The following CNTN5 variants were observed in gnomAD, a reference collection of about 807,000 sequenced individuals.
CNTN5 encodes contactin-5.
A neutral mutation model predicts 129.1 loss-of-function variants in CNTN5; 77 were observed. That is an observed-to-expected ratio of 0.60 (90% CI 0.50 to 0.72). The LOEUF is 0.72. Ranked by LOEUF, CNTN5 falls within the 30% of genes least tolerant of loss-of-function variation. The pLI is 0.00. For synonymous variants in CNTN5, 509 were observed against 465.6 expected, an observed-to-expected ratio of 1.09 and a Z score of -1.20; for missense variants, 1,478 against 1,328.8, an observed-to-expected ratio of 1.11 and a Z score of -1.75.
rs554671611 is a variant in CNTN5, at chr11:99,856,649, G to T, written c.577+11387G>T. Among the ~76,000 whole-genome samples the T allele has an allele frequency of 2.8e-4, 42 of 152,140 alleles. No individual in the cohort carries two copies. The South Asian group carries it at 8.7e-3, about 32-fold the overall frequency. ...TATTTGAGAACACATTGATCACATA[G>T]TGCTCTTTGGGTCGGAAAAGCTAAA... is the stretch of plus-strand genomic sequence containing the variant. On this transcript the variant is annotated intron_variant, in intron 6 of 24. Coordinates refer to ENST00000524871, the MANE Select transcript of CNTN5 (RefSeq NM_014361.4).
intron 1 of CNTN5, among the ~76,000 whole-genome samples, chr11:99,308,292 A>G (rs905770990): frequency 6.6e-5 from 10 of 152,222 alleles, no homozygotes; most frequent in Non-Finnish European, 2.9e-5. Flanking sequence ...ACATTAGTGT[A>G]GAAGAAACAG....
At chr11:100,343,756 T>C (rs1952217828) in intron 23 of CNTN5, among the ~76,000 whole-genome samples, 1 of 152,008 alleles carries the variant, frequency 6.6e-6, no homozygotes, top group Non-Finnish European at 1.5e-5. Flanking sequence ...CACACTAATA[T>C]AGAATGACCA....
intron 16 of CNTN5, among the ~76,000 whole-genome samples, chr11:100,232,375 G>T (rs1949508545): frequency 6.6e-6 from 1 of 152,136 alleles, no homozygotes; most frequent in African/African-American, 2.4e-5. Context: ...GGACAACAGT[G>T]TCAAAACCAA....
Position 99,822,161 on chromosome 11 carries a change from A to G in CNTN5, c.277+2396A>G, listed in dbSNP as rs117737690. ...AGAAAGTCATCCCACTCCTGTTCAG[A>G]GTTAAGCCAAGAAGTACCCCAGACA... On this transcript the variant is annotated intron_variant, in intron 4 of 24. Coordinates refer to ENST00000524871, the MANE Select transcript of CNTN5 (RefSeq NM_014361.4). Among the ~76,000 whole-genome samples, 167 of 152,310 alleles carry G rather than the reference A, an allele frequency of 1.1e-3. 2 individuals are homozygous for G. Among genetic ancestry groups the G allele is most frequent in the East Asian group, 6.8e-3 (35 of 5,178 alleles).
At chr11:99,336,920 T>C (rs1280630766) in intron 2 of CNTN5, among the ~76,000 whole-genome samples, 1 of 152,062 alleles carries the variant, frequency 6.6e-6, no homozygotes, top group Non-Finnish European at 1.5e-5. Context: ...CAATTCACAA[T>C]AGTAAAAGGG....
chr11:100,167,985 C>T (rs1947695198), intron 13 of CNTN5, among the ~76,000 whole-genome samples: 1 of 151,818 alleles, frequency 6.6e-6, no homozygotes. Context: ...TTCTGGTGGT[C>T]TAGGTAGATC....
chr11:99,419,085 A>C (rs1942781767), intron 2 of CNTN5, among the ~76,000 whole-genome samples: 1 of 152,202 alleles, frequency 6.6e-6, no homozygotes, highest in South Asian at 2.1e-4. Context: ...GCAAGTGCCA[A>C]AGTAAACAAA....
At chr11:99,768,003 T>C (rs749091604) in intron 3 of CNTN5, among the ~76,000 whole-genome samples, 16 of 152,088 alleles carry the variant, frequency 1.1e-4, no homozygotes, top group Non-Finnish European at 2.2e-4. Flanking sequence ...TATCAGTAGT[T>C]TTATTGGAAC....
intron 13 of CNTN5, among the ~76,000 whole-genome samples, chr11:100,156,100 T>G (rs994518659): frequency 6.6e-6 from 1 of 152,160 alleles, no homozygotes; most frequent in South Asian, 2.1e-4. Context: ...AAGGGAATGC[T>G]TCCAGTTTGT....
chr11:99,960,137 C>A (rs79908039), intron 8 of CNTN5, among the ~76,000 whole-genome samples: 4,526 of 152,248 alleles, frequency 0.03, 215 homozygotes, highest in East Asian at 0.21. Context: ...CAAGCTTAAA[C>A]AATAACTGTT....
chr11:100,030,285 A>T (rs772125210), intron 9 of CNTN5, among the ~76,000 whole-genome samples: 3 of 152,162 alleles, frequency 2.0e-5, no homozygotes, highest in Admixed American at 6.5e-5. Flanking sequence ...AGGCTGAGGC[A>T]TGGAGGATTG....
intron 2 of CNTN5, among the ~76,000 whole-genome samples, chr11:99,519,329 C>A (rs1253412390): frequency 6.6e-6 from 1 of 152,168 alleles, no homozygotes; most frequent in African/African-American, 2.4e-5. Flanking sequence ...CAATACTCTT[C>A]TTCTTAACAT....
At chr11:99,631,365 T>A (rs577754699) in intron 3 of CNTN5, among the ~76,000 whole-genome samples, 1 of 152,102 alleles carries the variant, frequency 6.6e-6, no homozygotes, top group Non-Finnish European at 1.5e-5. Flanking sequence ...AGTAATAGCA[T>A]TAGTAAAATA....
intron 1 of CNTN5, among the ~76,000 whole-genome samples, chr11:99,031,126 C>T (rs959044077): frequency 6.6e-6 from 1 of 151,824 alleles, no homozygotes; most frequent in African/African-American, 2.4e-5. Context: ...CAAACTGAAA[C>T]TGAAATCTTT....
chr11:100,221,720 G>A (rs746825917), intron 15 of CNTN5, among the ~76,000 whole-genome samples: 4 of 152,128 alleles, frequency 2.6e-5, no homozygotes, highest in East Asian at 1.9e-4. Flanking sequence ...GCAAGGTTTC[G>A]GCGTGTTGTG....
chr11:99,980,590 C>A (rs1021251774), intron 8 of CNTN5, among the ~76,000 whole-genome samples: 22 of 152,238 alleles, frequency 1.4e-4, no homozygotes, highest in African/African-American at 5.3e-4. Flanking sequence ...CTGATTACTT[C>A]TTTTTTGAAG....
intron 9 of CNTN5, among the ~76,000 whole-genome samples, chr11:100,051,408 G>C (rs1942947402): frequency 6.6e-6 from 1 of 151,824 alleles, no homozygotes; most frequent in South Asian, 2.1e-4. Context: ...ATGATCAAGA[G>C]GAAATCACAA....
chr11:99,772,647 G>C (rs913209390), intron 3 of CNTN5, among the ~76,000 whole-genome samples: 1 of 152,024 alleles, frequency 6.6e-6, no homozygotes, highest in Non-Finnish European at 1.5e-5. Context: ...AACTTGTTTT[G>C]CTAAATAAAT....
chr11:100,043,290 C>G (rs994635402), intron 9 of CNTN5, among the ~76,000 whole-genome samples: 43 of 152,086 alleles, frequency 2.8e-4, no homozygotes, highest in African/African-American at 9.9e-4. Context: ...TCAGTAAAAC[C>G]TTGGCACTGC....
Sources: allele counts gnomAD v4.1 joint callset (sites outside exome capture counted in the v4.1 genomes callset), GRCh38; gene constraint gnomAD v4.1.1; transcripts MANE v1.5; gene names NCBI Gene and HGNC (gene_info 2026-07-23, HGNC 2026-07-21).